Variants in ITGB6 observed in about 807,000 individuals in gnomAD.
ITGB6 encodes integrin subunit beta 6.
In ITGB6, 80 loss-of-function variants were observed where a neutral mutation model predicts 84.5. The ratio of observed to expected loss-of-function variants is 0.95; its 90% CI spans 0.79 to 1.14. The LOEUF (loss-of-function observed/expected upper bound fraction) is 1.14, where lower values mean the gene tolerates loss of function less well. Among genes scored for constraint, ITGB6 ranks in the 50% most tolerant of loss-of-function variants. The probability of loss-of-function intolerance (pLI) is 0.00; values close to 1 mark genes in which losing one functional copy is unlikely to be tolerated. For missense variants in ITGB6, 1,006 were observed against 968.0 expected, an observed-to-expected ratio of 1.04 and a Z score of -0.52; for synonymous variants, 383 against 354.9, an observed-to-expected ratio of 1.08 and a Z score of -0.89.
chr2:160,112,341 T>TG (rs1483302282), intron 12 of ITGB6, 142 bp from the exon 13 acceptor site: 8 of 787,814 alleles, frequency 1.0e-5, no homozygotes, highest in African/African-American at 8.9e-5. Flanking sequence ...AGGTTTTTTT[T>TG]TTTCTCATGA....
In ITGB6 at chr2:160,196,233, A is replaced by T. The variant is rs371257499; in HGVS notation, c.329T>A (p.Ile110Asn). Residue 110 changes from isoleucine to asparagine, a missense_variant, in exon 3 of 15, where the codon ATC (isoleucine) becomes AAC (asparagine). Transcript: ENST00000283249. The stretch of plus-strand genomic sequence containing the variant: ...TAACATACCTGGTCTCAACTTAAGG[A>T]TCAAGCTTTGAGGCGCAATCTGAAC... ...DIVQIAPQSL[I>N]LKLRPGGAQT... The T allele has an allele frequency of 1.5e-5, 25 of 1,613,900 alleles. No individual in the cohort carries two copies. Among genetic ancestry groups the T allele is most frequent in the East Asian group, 2.2e-5 (1 of 44,864 alleles).
chr2:160,152,480 C>A (rs1432143988), intron 7 of ITGB6, among the ~76,000 whole-genome samples: 4 of 152,196 alleles, frequency 2.6e-5, no homozygotes, highest in Non-Finnish European at 4.4e-5. Flanking sequence ...GACAAACCCA[C>A]AGCCAATATC....
chr2:160,166,100 T>A (rs566713179), intron 7 of ITGB6, among the ~76,000 whole-genome samples: 2 of 152,342 alleles, frequency 1.3e-5, no homozygotes, highest in Non-Finnish European at 2.9e-5. Context: ...AGTTAATGAT[T>A]GAGGGTTTTT....
intron 11 of ITGB6, 145 bp downstream of exon 11, chr2:160,126,234 C>G (rs190637119): frequency 4.5e-6 from 3 of 673,804 alleles, no homozygotes; most frequent in Non-Finnish European, 7.9e-6. Flanking sequence ...ATCACAGAGG[C>G]CCTGTGGGTT....
chr2:160,179,361 T>TCTAG (rs563463535), intron 4 of ITGB6, among the ~76,000 whole-genome samples: 7 of 151,556 alleles, frequency 4.6e-5, no homozygotes, highest in South Asian at 4.1e-4. Flanking sequence ...GGAAATCCAT[T>TCTAG]CTAGCATTTC....
chr2:160,115,073 G>A (rs1396861781), intron 12 of ITGB6, among the ~76,000 whole-genome samples: 2 of 152,164 alleles, frequency 1.3e-5, no homozygotes, highest in Non-Finnish European at 2.9e-5. Context: ...CTGGGGGCAG[G>A]GCACAGACAA....
chr2:160,187,021 C>T (rs568137727), intron 4 of ITGB6, among the ~76,000 whole-genome samples: 6 of 151,966 alleles, frequency 3.9e-5, no homozygotes, highest in Admixed American at 1.3e-4. Flanking sequence ...ACGTAGATGA[C>T]GGGTTGATGG....
chr2:160,134,916 G>A (rs1006846501), intron 10 of ITGB6, among the ~76,000 whole-genome samples: 3 of 152,008 alleles, frequency 2.0e-5, no homozygotes, highest in African/African-American at 7.3e-5. Flanking sequence ...AAAATAATAA[G>A]AGCTATTTAT....
At chr2:160,105,735 G>T (rs138174693) in intron 14 of ITGB6, among the ~76,000 whole-genome samples, 1 of 152,300 alleles carries the variant, frequency 6.6e-6, no homozygotes, top group Non-Finnish European at 1.5e-5. Flanking sequence ...CCATGGCAAG[G>T]CATTTGTTGG....
In ITGB6 at chr2:160,101,825, G is replaced by T. The variant is rs772215000; in HGVS notation, c.2278C>A (p.Pro760Thr). ...GTACTTGTGGATCCTCTGTAGAGTG[G>T]ATTGGTTCCCTGGAAAAAAAAAAAA... is the stretch of plus-strand genomic sequence containing the variant. ...SKAKWQTGTN[P>T]LYRGSTSTFK... Residue 760 changes from proline (P) to threonine (T), a missense_variant, in exon 15 of 15, where the codon CCA becomes ACA. By Grantham distance (38) the Pro-to-Thr change is conservative (BLOSUM62 -1). Coordinates refer to ENST00000283249, the MANE Select transcript of ITGB6 (RefSeq NM_000888.5). 5.3e-6 allele frequency: 8 copies of T among 1,502,552 alleles called. No individual in the cohort carries two copies. The South Asian group carries it at 8.3e-5, about 16-fold the overall frequency. The allele number at this position is 1,502,552 out of a possible 1,614,324, so 93.1% of individuals were successfully genotyped here. A position where few individuals can be genotyped will look rare whatever the true frequency, so the allele number is the denominator to read the frequency against.
intron 5 of ITGB6, among the ~76,000 whole-genome samples, chr2:160,173,083 CCAAATTGAAGCCAAACT>C (rs2105869130): frequency 6.6e-6 from 1 of 152,230 alleles, no homozygotes; most frequent in South Asian, 2.1e-4. Flanking sequence ...GGTCCCAAAT[CCAAATTGAAGCCAAACT>C]CATCAAAATG....
At chr2:160,127,267 C>CT (rs1559117828) in intron 10 of ITGB6, among the ~76,000 whole-genome samples, 1 of 152,146 alleles carries the variant, frequency 6.6e-6, no homozygotes, top group Non-Finnish European at 1.5e-5. Flanking sequence ...AATCTGGAAC[C>CT]TTTTTTAAGT....
At position 160,200,155 on chromosome 2, in the gene ITGB6, C is replaced by T; in HGVS notation, c.-92G>A. ...CTGAATATCGTTAAAGTCTTTCTTT[C>T]TTGAAGTATAACATTTTAAATACTA... On this transcript the variant is annotated 5_prime_UTR_variant, in exon 1 of 15. Transcript: ENST00000283249. 1 of 995,638 alleles carries T rather than the reference C, an allele frequency of 1.0e-6. No homozygotes were observed. The highest frequency in any genetic ancestry group is 2.5e-5 in the East Asian group (1 of 39,968). The allele number at this position is 995,638 out of a possible 1,614,324, so 61.7% of individuals were successfully genotyped here.
intron 11 of ITGB6, among the ~76,000 whole-genome samples, 180 bp downstream of exon 11, chr2:160,126,199 G>C (rs984500931): frequency 6.6e-6 from 1 of 152,154 alleles, no homozygotes; most frequent in Non-Finnish European, 1.5e-5. Flanking sequence ...AGAGGTAAGC[G>C]AGAGATTGAT....
intron 12 of ITGB6, among the ~76,000 whole-genome samples, chr2:160,120,281 T>C (rs62177901): frequency 0.62 from 81,157 of 131,602 alleles, 24,126 homozygotes; most frequent in Admixed American, 0.68. Flanking sequence ...TGTCCAACAA[T>C]GATAGACTGG....
Position 160,162,786 on chromosome 2 carries a change from T to C in ITGB6, c.1017+6426A>G, listed in dbSNP as rs575394740. On this transcript the variant is annotated intron_variant, in intron 7 of 14. Coordinates refer to ENST00000283249, the MANE Select transcript of ITGB6 (RefSeq NM_000888.5). The stretch of plus-strand genomic sequence containing the variant: ...GGTGCATGCCACCACAACCTGCTAA[T>C]TTTTTGTATTTTTAGTAGAGACAGG... Among the ~76,000 whole-genome samples, 55 of 152,162 alleles carry C rather than the reference T, an allele frequency of 3.6e-4. No individual in the cohort carries two copies. In the East Asian group the frequency reaches 0.01, roughly 28 times the overall value.
chr2:160,132,898 C>G (rs1339328620), intron 10 of ITGB6, among the ~76,000 whole-genome samples: 3 of 152,014 alleles, frequency 2.0e-5, no homozygotes, highest in Non-Finnish European at 2.9e-5. Flanking sequence ...TTCCTGTAGG[C>G]TTTTTCACAC....
At chr2:160,159,716 C>T (rs536740318) in intron 7 of ITGB6, among the ~76,000 whole-genome samples, 2 of 152,274 alleles carry the variant, frequency 1.3e-5, no homozygotes, top group African/African-American at 4.8e-5. Flanking sequence ...TTGAAAACTC[C>T]TCAGCCTTCA....
intron 8 of ITGB6, among the ~76,000 whole-genome samples, chr2:160,139,507 G>A (rs971583466): frequency 6.6e-6 from 1 of 152,098 alleles, no homozygotes; most frequent in Non-Finnish European, 1.5e-5. Context: ...TAAAATAGAA[G>A]CAATGTTGGA....
Sources: allele counts gnomAD v4.1 joint callset (sites outside exome capture counted in the v4.1 genomes callset), GRCh38; gene constraint gnomAD v4.1.1; transcripts MANE v1.5; gene names NCBI Gene and HGNC (gene_info 2026-07-23, HGNC 2026-07-21).